The following GALNT13 variants were observed in gnomAD, a reference collection of about 807,000 sequenced individuals.
GALNT13 encodes polypeptide N-acetylgalactosaminyltransferase 13, also known as UDP-GalNAc:polypeptide N-acetylgalactosaminyltransferase 13.
In GALNT13, 28 loss-of-function variants were observed where a neutral mutation model predicts 64.2. The ratio of observed to expected loss-of-function variants is 0.44; its 90% CI spans 0.32 to 0.60. The LOEUF is 0.60. Among genes scored for constraint, GALNT13 ranks in the 20% least tolerant of loss-of-function variants. GALNT13 has a pLI of 0.05. For missense variants in GALNT13, 577 were observed against 669.8 expected (o/e 0.86, Z 1.53); for synonymous variants, 214 against 224.6 (o/e 0.95, Z 0.42).
chr2:153,093,116 G>C, the GALNT13 span, among the ~76,000 whole-genome samples: 1 of 151,138 alleles, frequency 6.6e-6, no homozygotes, highest in Admixed American at 6.6e-5. Context: ...TTTATCACCT[G>C]GTTTTTATCC....
the GALNT13 span, among the ~76,000 whole-genome samples, chr2:153,622,436 A>T: frequency 2.0e-5 from 3 of 152,154 alleles, no homozygotes; most frequent in Non-Finnish European, 4.4e-5. Context: ...AAATAGCCAC[A>T]AAAGCACATT....
chr2:153,479,349 G>A, the GALNT13 span, among the ~76,000 whole-genome samples: 5 of 152,162 alleles, frequency 3.3e-5, no homozygotes, highest in Non-Finnish European at 7.4e-5. Context: ...AAGAAGGAAG[G>A]AAGAAAGGAA....
chr2:154,145,764 C>T (rs1393618407), intron 4 of GALNT13, among the ~76,000 whole-genome samples: 1 of 151,908 alleles, frequency 6.6e-6, no homozygotes, highest in African/African-American at 2.4e-5. Context: ...TTATTTACTA[C>T]ATAAAGTAGG....
chr2:154,336,911 TAG>T (rs1695474478), intron 9 of GALNT13, among the ~76,000 whole-genome samples: 1 of 152,082 alleles, frequency 6.6e-6, no homozygotes, highest in Non-Finnish European at 1.5e-5. Flanking sequence ...TTCAGAATAT[TAG>T]ACTTTTTTCT....
At chr2:154,382,534 G>A (rs930328038) in intron 9 of GALNT13, among the ~76,000 whole-genome samples, 2 of 152,052 alleles carry the variant, frequency 1.3e-5, no homozygotes, top group Non-Finnish European at 2.9e-5. Context: ...GGGAAACCCA[G>A]GAGCAGTATG....
At chr2:153,105,120 C>T in the GALNT13 span, among the ~76,000 whole-genome samples, 8 of 143,446 alleles carry the variant, frequency 5.6e-5, no homozygotes, top group African/African-American at 1.6e-4. Context: ...CTTTTCTAAA[C>T]GTAGGAATTA....
the GALNT13 span, among the ~76,000 whole-genome samples, chr2:153,644,712 G>A: frequency 4.0e-5 from 6 of 151,826 alleles, no homozygotes; most frequent in Non-Finnish European, 7.4e-5. Flanking sequence ...CAGTCTTATC[G>A]TAAATTCCTA....
intron 2 of GALNT13, among the ~76,000 whole-genome samples, chr2:153,905,301 T>C (rs1688486299): frequency 6.6e-6 from 1 of 151,906 alleles, no homozygotes; most frequent in Admixed American, 6.6e-5. Context: ...CCTTATTAAC[T>C]GGGGACACAT....
the GALNT13 span, among the ~76,000 whole-genome samples, chr2:153,536,502 T>G: frequency 5.3e-5 from 8 of 152,212 alleles, no homozygotes; most frequent in Admixed American, 3.9e-4. Context: ...CTTGTTAAGA[T>G]GAAGTGATGA....
At chr2:153,381,598 A>G in the GALNT13 span, among the ~76,000 whole-genome samples, 1 of 151,958 alleles carries the variant, frequency 6.6e-6, no homozygotes, top group African/African-American at 2.4e-5. Context: ...GCTGATACTC[A>G]TCTATATTCA....
chr2:153,772,802 T>C, the GALNT13 span, among the ~76,000 whole-genome samples: 1 of 152,210 alleles, frequency 6.6e-6, no homozygotes, highest in East Asian at 1.9e-4. Flanking sequence ...GAGATAGGCC[T>C]TGCCTATTTA....
the GALNT13 span, among the ~76,000 whole-genome samples, chr2:153,751,105 A>G: frequency 1.3e-5 from 2 of 151,816 alleles, no homozygotes; most frequent in Non-Finnish European, 1.5e-5. Flanking sequence ...ATTTCTATGT[A>G]TTCGTATAGT....
the GALNT13 span, among the ~76,000 whole-genome samples, chr2:153,417,557 C>G: frequency 6.6e-6 from 1 of 152,064 alleles, no homozygotes; most frequent in Non-Finnish European, 1.5e-5. Flanking sequence ...TTGAATATGT[C>G]TTGAAGATGG....
At chr2:153,373,623 T>C in the GALNT13 span, among the ~76,000 whole-genome samples, 2 of 152,216 alleles carry the variant, frequency 1.3e-5, no homozygotes, top group African/African-American at 2.4e-5. Flanking sequence ...CAGTGTACAG[T>C]TTAGTGGCAC....
intron 4 of GALNT13, among the ~76,000 whole-genome samples, chr2:154,203,026 C>T (rs912397964): frequency 6.6e-6 from 1 of 152,050 alleles, no homozygotes; most frequent in African/African-American, 2.4e-5. Context: ...CACCTGCTAA[C>T]GAAAATATAC....
At chr2:153,714,902 C>T in the GALNT13 span, among the ~76,000 whole-genome samples, 6 of 152,100 alleles carry the variant, frequency 3.9e-5, no homozygotes, top group African/African-American at 1.4e-4. Context: ...TCTGAAATAC[C>T]CGTGTTAGGG....
the GALNT13 span, among the ~76,000 whole-genome samples, chr2:153,756,143 T>G: frequency 6.6e-6 from 1 of 152,112 alleles, no homozygotes; most frequent in African/African-American, 2.4e-5. Flanking sequence ...GGGAAATAAA[T>G]AGCATTTAAG....
the GALNT13 span, among the ~76,000 whole-genome samples, chr2:153,821,552 C>T: frequency 6.6e-6 from 1 of 152,136 alleles, no homozygotes; most frequent in Middle Eastern, 3.4e-3. Context: ...AAAACAGAGA[C>T]ACAGCATACC....
At chr2:154,133,903 T>C (rs1305152729) in intron 3 of GALNT13, among the ~76,000 whole-genome samples, 1 of 152,120 alleles carries the variant, frequency 6.6e-6, no homozygotes, top group Admixed American at 6.6e-5. Context: ...AATTTTGCAA[T>C]GGATATTTCT....
Sources: allele counts gnomAD v4.1 joint callset (sites outside exome capture counted in the v4.1 genomes callset), GRCh38; gene constraint gnomAD v4.1.1; transcripts MANE v1.5; gene names NCBI Gene and HGNC (gene_info 2026-07-23, HGNC 2026-07-21).